UGT1A9: variants seen among roughly 807,000 people sequenced by gnomAD.
UGT1A9 encodes the protein UDP glucuronosyltransferase family 1 member A9.
Under a neutral mutation model 45.0 loss-of-function variants are expected in UGT1A9, and 35 were observed. That is an observed-to-expected ratio of 0.78 (90% CI 0.59 to 1.03). The LOEUF (loss-of-function observed/expected upper bound fraction) is 1.03. Among genes scored for constraint, UGT1A9 ranks in the 50% least tolerant of loss-of-function variants. UGT1A9 has a pLI of 0.00. For missense variants in UGT1A9, 687 were observed against 666.6 expected (o/e 1.03, Z -0.34); for synonymous variants, 278 against 250.6 (o/e 1.11, Z -1.03).
At chr2:233,755,246 C>T (rs1229068281) in intron 1 of UGT1A9, 3 of 850,962 alleles carry the variant, frequency 3.5e-6, no homozygotes, top group Non-Finnish European at 5.3e-6. Flanking sequence ...GGGGTACTCC[C>T]AGCACCTCGT....
intron 1 of UGT1A9, among the ~76,000 whole-genome samples, chr2:233,705,123 C>G (rs1488231635): frequency 7.7e-6 from 1 of 130,446 alleles, no homozygotes; most frequent in Non-Finnish European, 1.6e-5. Flanking sequence ...GGGACAAGAG[C>G]GAGACTTCGT....
chr2:233,746,887 A>T (rs765200684), intron 1 of UGT1A9, among the ~76,000 whole-genome samples: 2 of 151,818 alleles, frequency 1.3e-5, no homozygotes, highest in African/African-American at 2.4e-5. Flanking sequence ...ACAGAGAAGT[A>T]GGAGGCTGTG....
At chr2:233,760,501 G>A (rs2125985080) in intron 1 of UGT1A9, 3 of 1,614,238 alleles carry the variant, frequency 1.9e-6, no homozygotes, top group Non-Finnish European at 2.5e-6. Flanking sequence ...CAGAGACGGA[G>A]CATTTTACAC....
chr2:233,757,111 A>C (rs13404099), intron 1 of UGT1A9, among the ~76,000 whole-genome samples: 1 of 151,320 alleles, frequency 6.6e-6, no homozygotes, highest in East Asian at 2.0e-4. Context: ...GGCAAGCAGA[A>C]GGGCTAGAGA....
At chr2:233,717,333 C>A (rs1334785551) in intron 1 of UGT1A9, among the ~76,000 whole-genome samples, 1 of 152,204 alleles carries the variant, frequency 6.6e-6, no homozygotes, top group East Asian at 1.9e-4. Flanking sequence ...CCTCACAAAT[C>A]CCCAGAAATC....
At chr2:233,728,633 A>G (rs1305532869) in intron 1 of UGT1A9, among the ~76,000 whole-genome samples, 1 of 152,194 alleles carries the variant, frequency 6.6e-6, no homozygotes, top group Non-Finnish European at 1.5e-5. Flanking sequence ...CTGGCTTAGC[A>G]ATGTTGTATG....
intron 1 of UGT1A9, chr2:233,761,300 G>A (rs2125991152): frequency 6.7e-7 from 1 of 1,496,402 alleles, no homozygotes; most frequent in Non-Finnish European, 9.1e-7. Flanking sequence ...CTAGGTTTGA[G>A]TCTGTCTTTG....
intron 1 of UGT1A9, among the ~76,000 whole-genome samples, chr2:233,765,022 G>A (rs976641951): frequency 6.6e-6 from 1 of 152,124 alleles, no homozygotes; most frequent in Non-Finnish European, 1.5e-5. Context: ...GGCTTGGCAG[G>A]AGTCCTGCTG....
chr2:233,711,449 G>C (rs1157119191), intron 1 of UGT1A9, among the ~76,000 whole-genome samples: 1 of 152,222 alleles, frequency 6.6e-6, no homozygotes, highest in Admixed American at 6.5e-5. Flanking sequence ...TTTTAAGGGG[G>C]TTGGAGGAAT....
chr2:233,685,727 G>A (rs150254106), intron 1 of UGT1A9, among the ~76,000 whole-genome samples: 5 of 152,194 alleles, frequency 3.3e-5, no homozygotes, highest in South Asian at 2.1e-4. Flanking sequence ...GTACTGCTTC[G>A]TCTTTCTCCA....
At chr2:233,724,307 C>T (rs2077214825) in intron 1 of UGT1A9, among the ~76,000 whole-genome samples, 2 of 146,966 alleles carry the variant, frequency 1.4e-5, no homozygotes, top group African/African-American at 2.5e-5. Flanking sequence ...CCACCTCCCT[C>T]CCGGACGGGG....
chr2:233,755,205 G>A, intron 1 of UGT1A9: 1 of 1,079,938 alleles, frequency 9.3e-7, no homozygotes, highest in Non-Finnish European at 1.3e-6. Flanking sequence ...CTTGCGGTAC[G>A]CCTTCTTGAT....
At chr2:233,731,616 A>C (rs1404847931) in intron 1 of UGT1A9, among the ~76,000 whole-genome samples, 2 of 152,182 alleles carry the variant, frequency 1.3e-5, no homozygotes, top group Non-Finnish European at 2.9e-5. Flanking sequence ...ACATGAACTC[A>C]TCCTTTTTTA....
At chr2:233,733,973 G>A (rs2078462378) in intron 1 of UGT1A9, among the ~76,000 whole-genome samples, 1 of 152,034 alleles carries the variant, frequency 6.6e-6, no homozygotes, top group African/African-American at 2.4e-5. Flanking sequence ...GGGGGAGCGG[G>A]GAGGGATAGC....
intron 1 of UGT1A9, chr2:233,689,798 T>TTTCTATAGGA: frequency 2.3e-6 from 1 of 430,464 alleles, no homozygotes; most frequent in Admixed American, 2.7e-5. Context: ...TGATCTGTAG[T>TTTCTATAGGA]TTCTATAGGA....
At chr2:233,718,023 A>C (rs1438994105) in intron 1 of UGT1A9, 4 of 389,712 alleles carry the variant, frequency 1.0e-5, no homozygotes, top group African/African-American at 4.2e-5. Flanking sequence ...CCAGCTCCCC[A>C]GGTCCTTTGG....
At chr2:233,725,856 C>A (rs918476414) in intron 1 of UGT1A9, among the ~76,000 whole-genome samples, 16 of 151,998 alleles carry the variant, frequency 1.1e-4, no homozygotes, top group Non-Finnish European at 2.4e-4. Flanking sequence ...TTTCAATTCC[C>A]CATCTCTTTT....
At chr2:233,726,997 A>G (rs1314569583) in intron 1 of UGT1A9, among the ~76,000 whole-genome samples, 1 of 152,156 alleles carries the variant, frequency 6.6e-6, no homozygotes, top group Non-Finnish European at 1.5e-5. Context: ...TCTTTCTAGC[A>G]AAGTTTTATC....
chr2:233,749,281 T>G (rs1294493695), intron 1 of UGT1A9, among the ~76,000 whole-genome samples: 1 of 151,972 alleles, frequency 6.6e-6, no homozygotes, highest in African/African-American at 2.4e-5. Context: ...CCTTATGCAG[T>G]GTAGTTATTC....
Sources: gnomAD v4.1 joint callset for allele counts (sites outside exome capture counted in the v4.1 genomes callset) on GRCh38, gnomAD v4.1.1 for gene constraint, MANE v1.5 for transcripts, NCBI Gene and HGNC (gene_info 2026-07-23, HGNC 2026-07-21) for gene names.